Variants in SLC1A4 observed in about 807,000 individuals in gnomAD.
The protein encoded by SLC1A4 is solute carrier family 1 member 4, also known as neutral amino acid transporter A.
Under a neutral mutation model 37.7 loss-of-function variants are expected in SLC1A4, and 19 were observed. That is an observed-to-expected ratio of 0.50 (90% CI 0.35 to 0.74). SLC1A4 has a LOEUF of 0.74. Ranked by LOEUF, SLC1A4 falls within the 30% of genes least tolerant of loss-of-function variation. The pLI is 0.01. For missense variants in SLC1A4, 570 were observed against 712.9 expected (o/e 0.80, Z 2.28); for synonymous variants, 299 against 309.8 (o/e 0.97, Z 0.37).
At chr2:65,019,525 C>G (rs986671681) in intron 7 of SLC1A4, among the ~76,000 whole-genome samples, 8 of 152,168 alleles carry the variant, frequency 5.3e-5, no homozygotes, top group African/African-American at 4.8e-5. Context: ...GTAAAACATT[C>G]AATTCATGTC....
chr2:65,022,882 G>A lies in SLC1A4; in HGVS notation c.*1736G>A, dbSNP rs1274546178. 2 of 152,222 alleles carry A rather than the reference G, an allele frequency of 1.3e-5. No individual in the cohort carries two copies. Among genetic ancestry groups the A allele is most frequent in the Non-Finnish European group, 2.9e-5 (2 of 68,130 alleles). 9.4% of individuals were successfully genotyped at this position (152,222 alleles called of 1,614,324 possible). Reference sequence around the variant, plus strand: ...TTCCCTGTTGCTATGTGTCACCTGGGCCCTACAGACAGGGGCACACGCTTA... The same window carrying A: ...TTCCCTGTTGCTATGTGTCACCTGGACCCTACAGACAGGGGCACACGCTTA... On this transcript the variant is annotated 3_prime_UTR_variant, in exon 8 of 8. Transcript: ENST00000234256.
intron 4 of SLC1A4, among the ~76,000 whole-genome samples, chr2:65,015,378 TATGAA>T (rs1365009534): frequency 6.6e-6 from 1 of 152,168 alleles, no homozygotes; most frequent in Non-Finnish European, 1.5e-5. Flanking sequence ...TATGTATTGA[TATGAA>T]AAGATTTCAA....
intron 1 of SLC1A4, among the ~76,000 whole-genome samples, chr2:64,998,194 G>A (rs191138934): frequency 1.2e-4 from 18 of 151,794 alleles, no homozygotes; most frequent in Admixed American, 3.9e-4. Context: ...CCGAGATCAC[G>A]CCACTGCCCT....
At chr2:65,002,297 A>AAAT (rs1673493135) in intron 2 of SLC1A4, among the ~76,000 whole-genome samples, 1 of 151,270 alleles carries the variant, frequency 6.6e-6, no homozygotes. Flanking sequence ...ATAAATAAAT[A>AAAT]AATAAATAAT....
intron 1 of SLC1A4, among the ~76,000 whole-genome samples, chr2:64,997,313 A>C (rs1424198370): frequency 2.0e-5 from 3 of 152,164 alleles, no homozygotes; most frequent in Admixed American, 2.0e-4. Context: ...TTTTTATATA[A>C]GTTTTTAAAC....
At chr2:64,998,645 T>C (rs1457771207) in intron 1 of SLC1A4, among the ~76,000 whole-genome samples, 2 of 151,960 alleles carry the variant, frequency 1.3e-5, no homozygotes, top group Non-Finnish European at 2.9e-5. Context: ...GGCTGTTAGG[T>C]GTAGAAGTTC....
rs34416635 is a variant in SLC1A4, at chr2:65,018,218, G to A, written c.1182G>A (p.Ala394=). 4.0e-3 allele frequency: 6,429 copies of A among 1,614,056 alleles called. 23 individuals are homozygous for A. The highest frequency in any genetic ancestry group is 6.7e-3 in the South Asian group (606 of 91,068). The change falls in exon 6 of 8, where the codon GCG becomes GCA. Residue 394 remains alanine, a synonymous_variant. Coordinates refer to ENST00000234256, the MANE Select transcript of SLC1A4 (RefSeq NM_003038.5). The surrounding 1 kb of genome is among the most constrained non-coding windows in gnomAD (Gnocchi z 4.3). ...AGTGTGTGGCCGCGGTGTTCATTGCGCAACTCAACAACGTAGAGCTCAACG... is the reference window on the plus strand; with the variant it reads ...AGTGTGTGGCCGCGGTGTTCATTGCACAACTCAACAACGTAGAGCTCAACG... ...IFQCVAAVFI[A]QLNNVELNAG...
chr2:65,004,087 A>G, intron 3 of SLC1A4, 72 bp downstream of exon 3: 1 of 1,319,284 alleles, frequency 7.6e-7, no homozygotes, highest in African/African-American at 1.5e-5. Flanking sequence ...GAAGGAGCAT[A>G]CAGGACGTGG....
At chr2:65,017,189 G>T (rs1674175472) in intron 5 of SLC1A4, among the ~76,000 whole-genome samples, 1 of 152,120 alleles carries the variant, frequency 6.6e-6, no homozygotes, top group African/African-American at 2.4e-5. Flanking sequence ...TTTCTAGAAT[G>T]GTTCCTGCCC....
At chr2:64,999,301 ATT>A (rs1445554763) in intron 1 of SLC1A4, 3 of 152,200 alleles carry the variant, frequency 2.0e-5, no homozygotes, top group Non-Finnish European at 1.5e-5. Context: ...GTACTCTGGT[ATT>A]CTCTAAATAT....
At position 64,989,770 on chromosome 2, in the gene SLC1A4, G is replaced by C; in HGVS notation, c.127G>C (p.Ala43Pro). Residue 43 changes from alanine (A) to proline (P), a missense_variant, in exon 1 of 8, where the codon GCG becomes CCG. By Grantham distance (27) the Ala-to-Pro change is conservative. Coordinates refer to ENST00000234256, the MANE Select transcript of SLC1A4 (RefSeq NM_003038.5). Reference sequence around the variant, plus strand: ...TTGCGCGGGCTTCCTGCGGCGCCAAGCGCTGGTGCTGCTCACCGTGTCCGG... The same window carrying C: ...TTGCGCGGGCTTCCTGCGGCGCCAACCGCTGGTGCTGCTCACCGTGTCCGG... ...RRCAGFLRRQ[A>P]LVLLTVSGVL... The C allele has an allele frequency of 6.8e-7, 1 of 1,461,108 alleles. No homozygotes were observed. Among genetic ancestry groups the C allele is most frequent in the Non-Finnish European group, 9.0e-7 (1 of 1,115,390 alleles). The allele number at this position is 1,461,108 out of a possible 1,614,324, so 90.5% of individuals were successfully genotyped here.
rs192002533 is a variant in SLC1A4 at position 64,989,593 on chromosome 2, G to C, written c.-51G>C. 882 of 1,400,470 alleles carry C rather than the reference G, an allele frequency of 6.3e-4. 7 individuals are homozygous for C. In the African/African-American group the frequency reaches 0.011, roughly 18 times the overall value. The allele number at this position is 1,400,470 out of a possible 1,614,324, so 86.8% of individuals were successfully genotyped here. ...CCATTCATTGGGAACCCCGTCTTTT[G>C]CCAGAGCCCACGTCCCCTGCCACCT... On this transcript the variant is annotated 5_prime_UTR_variant, in exon 1 of 8. Coordinates refer to ENST00000234256, the MANE Select transcript of SLC1A4 (RefSeq NM_003038.5).
chr2:65,004,918 C>A (rs929972458), intron 3 of SLC1A4, among the ~76,000 whole-genome samples: 8 of 152,146 alleles, frequency 5.3e-5, no homozygotes, highest in African/African-American at 1.9e-4. Flanking sequence ...TATATGTATA[C>A]AGAATTACCC....
rs763630749 is a variant in SLC1A4, at chr2:64,992,638, T to C, written c.527+2468T>C. ...ATGGAGTGGCTTATAAAGAAGAGATTAGAAGGACTGTGGGTCTCCTACCCC... is the reference window on the plus strand; with the variant it reads ...ATGGAGTGGCTTATAAAGAAGAGATCAGAAGGACTGTGGGTCTCCTACCCC... On this transcript the variant is annotated intron_variant, in intron 1 of 7. Transcript: ENST00000234256. 2.6e-5 allele frequency among the ~76,000 whole-genome samples: 4 copies of C among 152,270 alleles called. No homozygotes were observed. The Middle Eastern group carries it at 0.014, about 518-fold the overall frequency.
intron 5 of SLC1A4, 152 bp downstream of exon 5, chr2:65,016,825 T>C (rs1674158737): frequency 1.6e-6 from 1 of 629,886 alleles, no homozygotes; most frequent in African/African-American, 1.8e-5. Flanking sequence ...TTTTTCTTCT[T>C]TAAGAGACAG....
At chr2:65,001,581 G>A (rs1673459456) in intron 2 of SLC1A4, 91 bp downstream of exon 2, 3 of 1,197,974 alleles carry the variant, frequency 2.5e-6, no homozygotes, top group Non-Finnish European at 3.6e-6. Context: ...AGAACAGGGA[G>A]AGATGGTGGT....
intron 1 of SLC1A4, among the ~76,000 whole-genome samples, chr2:64,990,403 G>A (rs943045272): frequency 3.3e-5 from 5 of 152,282 alleles, no homozygotes; most frequent in Middle Eastern, 3.4e-3. Context: ...CCGCATCTTT[G>A]AGCAAGAACC....
At position 64,989,796 on chromosome 2, in the gene SLC1A4, G is replaced by A. The variant is rs1385573774; in HGVS notation, c.153G>A (p.Gly51=). The change falls in exon 1 of 8, where the codon GGG becomes GGA. Residue 51 remains glycine, a synonymous_variant. Transcript: ENST00000234256. The stretch of plus-strand genomic sequence containing the variant: ...CGCTGGTGCTGCTCACCGTGTCCGG[G>A]GTGCTGGCGGGCGCGGGCCTGGGCG... ...RQALVLLTVS[G]VLAGAGLGAA... 1.3e-6 allele frequency: 2 copies of A among 1,516,050 alleles called. No individual in the cohort carries two copies. 93.9% of individuals were successfully genotyped at this position (1,516,050 alleles called of 1,614,324 possible).
chr2:64,995,421 A>G (rs1352413204), intron 1 of SLC1A4, among the ~76,000 whole-genome samples: 1 of 152,194 alleles, frequency 6.6e-6, no homozygotes, highest in African/African-American at 2.4e-5. Flanking sequence ...GGGCTATTTG[A>G]TATGATGCAT....
Sources: gnomAD v4.1 joint callset for allele counts (sites outside exome capture counted in the v4.1 genomes callset) on GRCh38, gnomAD v4.1.1 for gene constraint, Gnocchi (gnomAD v3.1) non-coding constraint, MANE v1.5 for transcripts, NCBI Gene and HGNC (gene_info 2026-07-23, HGNC 2026-07-21) for gene names.